Variants in ANO3 observed in about 807,000 individuals in gnomAD.
ANO3 encodes anoctamin 3.
A neutral mutation model predicts 144.8 loss-of-function variants in ANO3; 99 were observed. That is an observed-to-expected ratio of 0.68 (90% CI 0.58 to 0.81). The LOEUF (loss-of-function observed/expected upper bound fraction) is 0.81, where lower values mean the gene tolerates loss of function less well. Among genes scored for constraint, ANO3 ranks in the 30% least tolerant of loss-of-function variants. ANO3 has a pLI of 0.00. For synonymous variants in ANO3, 414 were observed against 392.6 expected (o/e 1.05, Z -0.64); for missense variants, 905 against 1,202.2 (o/e 0.75, Z 3.66).
intron 1 of ANO3, among the ~76,000 whole-genome samples, chr11:26,273,914 T>A (rs1853503414): frequency 6.6e-6 from 1 of 152,138 alleles, no homozygotes; most frequent in African/African-American, 2.4e-5. Context: ...AACCTACTAA[T>A]TCATGATGTT....
chr11:26,658,407 A>AG, intron 26 of ANO3, among the ~76,000 whole-genome samples: 1 of 61,302 alleles, frequency 1.6e-5, no homozygotes. Context: ...TGAGGTCAGG[A>AG]GTTCAAGAGC....
At chr11:26,535,571 CTTTTTTTTTTTTTT>C (rs72278856) in intron 9 of ANO3, among the ~76,000 whole-genome samples, 1 of 58,570 alleles carries the variant, frequency 1.7e-5, no homozygotes, top group African/African-American at 7.5e-5. Flanking sequence ...AAGACAGCCA[CTTTTTTTTTTTTTT>C]TTTTTTTTTT....
intron 14 of ANO3, among the ~76,000 whole-genome samples, chr11:26,597,229 G>A (rs192056249): frequency 1.3e-5 from 2 of 152,296 alleles, no homozygotes; most frequent in African/African-American, 2.4e-5. Context: ...CTGCTCCCAA[G>A]ATGGCAGCAA....
intron 14 of ANO3, among the ~76,000 whole-genome samples, chr11:26,587,168 A>G (rs1851309780): frequency 1.3e-5 from 2 of 152,144 alleles, no homozygotes; most frequent in South Asian, 2.1e-4. Flanking sequence ...GGAACCCACT[A>G]TTTATGCCAG....
chr11:26,526,847 G>A (rs993239490), intron 7 of ANO3, among the ~76,000 whole-genome samples: 2 of 151,998 alleles, frequency 1.3e-5, no homozygotes. Context: ...TCCCATGTGG[G>A]TATTTGGTCC....
At chr11:26,201,762 GTT>G (rs1255392086) in intron 1 of ANO3, among the ~76,000 whole-genome samples, 11 of 128,708 alleles carry the variant, frequency 8.5e-5, no homozygotes, top group African/African-American at 8.5e-5. Flanking sequence ...AGGAAGTTTT[GTT>G]TTTTTTTTTT....
intron 1 of ANO3, among the ~76,000 whole-genome samples, chr11:26,438,038 C>A (rs958057347): frequency 6.9e-6 from 1 of 145,576 alleles, no homozygotes; most frequent in Non-Finnish European, 1.5e-5. Context: ...CACTACTGAA[C>A]AAAAAAATAA....
chr11:26,236,192 T>C (rs1437963482), intron 1 of ANO3, among the ~76,000 whole-genome samples: 1 of 152,122 alleles, frequency 6.6e-6, no homozygotes, highest in Non-Finnish European at 1.5e-5. Flanking sequence ...AAATTTCATA[T>C]CTATAAAAAT....
chr11:26,547,660 T>A, intron 12 of ANO3, 110 bp downstream of exon 12: 1 of 1,066,178 alleles, frequency 9.4e-7, no homozygotes, highest in Non-Finnish European at 1.4e-6. Context: ...TACTACAATT[T>A]AATTTATTTG....
Position 26,475,121 on chromosome 11 carries a change from T to C in ANO3, c.432+11973T>C, listed in dbSNP as rs146533033. Reference sequence around the variant, plus strand: ...GTGGAAAGAGAATAATATAAGATGGTCTAAGAAACAGCACTTAGTATAATA... The same window carrying C: ...GTGGAAAGAGAATAATATAAGATGGCCTAAGAAACAGCACTTAGTATAATA... On this transcript the variant is annotated intron_variant, in intron 4 of 26. Transcript: ENST00000256737. Among the ~76,000 whole-genome samples the C allele has an allele frequency of 4.5e-3, 682 of 152,010 alleles. 5 individuals carry two copies. Among genetic ancestry groups the C allele is most frequent in the Middle Eastern group, 0.01 (3 of 292 alleles).
chr11:26,591,084 C>A (rs1851436387), intron 14 of ANO3, among the ~76,000 whole-genome samples: 1 of 152,144 alleles, frequency 6.6e-6, no homozygotes, highest in African/African-American at 2.4e-5. Context: ...CTCTTTACTA[C>A]CTAATTGGTT....
chr11:26,222,142 T>A (rs1388201656), intron 1 of ANO3, among the ~76,000 whole-genome samples: 1 of 152,266 alleles, frequency 6.6e-6, no homozygotes, highest in East Asian at 1.9e-4. Context: ...ACAAGTTATT[T>A]ATTTCCAAGA....
intron 4 of ANO3, among the ~76,000 whole-genome samples, chr11:26,503,268 C>T (rs958101089): frequency 1.3e-5 from 2 of 152,140 alleles, no homozygotes; most frequent in African/African-American, 4.8e-5. Flanking sequence ...AAGCATTTCA[C>T]TCTTTCAGAT....
chr11:26,599,823 C>T, intron 17 of ANO3, 109 bp downstream of exon 17: 1 of 882,206 alleles, frequency 1.1e-6, no homozygotes, highest in South Asian at 2.4e-5. Context: ...AAAATAAGAC[C>T]AAGCCACATT....
chr11:26,483,272 C>G (rs1860299923), intron 4 of ANO3, among the ~76,000 whole-genome samples: 1 of 151,848 alleles, frequency 6.6e-6, no homozygotes, highest in African/African-American at 2.4e-5. Context: ...GTCATTATGA[C>G]TTTTGTAAGA....
chr11:26,293,886 G>A lies in ANO3; in HGVS notation c.155-15759G>A, dbSNP rs192471652. ...TAGCAATTTATAGGTGAAGAAACTGGCACTAGAATGATTAAGTAACACTCA... is the reference window on the plus strand; with the variant it reads ...TAGCAATTTATAGGTGAAGAAACTGACACTAGAATGATTAAGTAACACTCA... On this transcript the variant is annotated intron_variant, in intron 1 of 27. Transcript: ENST00000672621. Among the ~76,000 whole-genome samples, 742 of 152,064 alleles carry A rather than the reference G, an allele frequency of 4.9e-3. 1 individual carries two copies. Among genetic ancestry groups the A allele is most frequent in the Middle Eastern group, 6.8e-3 (2 of 294 alleles).
At chr11:26,457,341 A>AG (rs1269298798) in intron 3 of ANO3, among the ~76,000 whole-genome samples, 1 of 151,552 alleles carries the variant, frequency 6.6e-6, no homozygotes, top group Non-Finnish European at 1.5e-5. Flanking sequence ...TCTGAAAAAA[A>AG]AAAAGAAAAC....
In ANO3 at chr11:26,652,065, A is replaced by T. The variant is rs190970494; in HGVS notation, c.2577-4060A>T. ...GATACGCAGGTCCTTTCCCCCATTC[A>T]CTTTGTTACGGAATTGCAGAATCAC... On this transcript the variant is annotated intron_variant, in intron 24 of 26. Coordinates refer to ENST00000256737, the MANE Select transcript of ANO3 (RefSeq NM_031418.4). 4.5e-4 allele frequency among the ~76,000 whole-genome samples: 69 copies of T among 151,846 alleles called. 1 individual carries two copies. The highest frequency in any genetic ancestry group is 1.5e-3 in the African/African-American group (61 of 41,390).
In ANO3 at chr11:26,261,551, G is replaced by A. The variant is rs573181665; in HGVS notation, c.155-48094G>A. On this transcript the variant is annotated intron_variant, in intron 1 of 27. Transcript: ENST00000672621. ...CCTTTCAGAGGCTTCCATGAGTCTCGCTGGACTACCCACCAGTGCTAGCAG... is the reference window on the plus strand; with the variant it reads ...CCTTTCAGAGGCTTCCATGAGTCTCACTGGACTACCCACCAGTGCTAGCAG... Among the ~76,000 whole-genome samples the A allele has an allele frequency of 1.4e-3, 215 of 152,126 alleles. 1 individual carries two copies. Among genetic ancestry groups the A allele is most frequent in the African/African-American group, 4.9e-3 (203 of 41,480 alleles).
Sources: gnomAD v4.1 joint callset for allele counts (sites outside exome capture counted in the v4.1 genomes callset) on GRCh38, gnomAD v4.1.1 for gene constraint, MANE v1.5 for transcripts, NCBI Gene and HGNC (gene_info 2026-07-23, HGNC 2026-07-21) for gene names.